Variants in TRIP4 observed in about 807,000 individuals in gnomAD.
The protein encoded by TRIP4 is activating signal cointegrator 1.
Under a neutral mutation model 81.8 loss-of-function variants are expected in TRIP4, and 54 were observed. The observed-to-expected ratio is 0.66, with a 90% CI of 0.53 to 0.83. TRIP4 has a LOEUF of 0.83. Ranked by LOEUF, TRIP4 falls within the 40% of genes least tolerant of loss-of-function variation. The probability of loss-of-function intolerance (pLI) is 0.00; values close to 1 mark genes in which losing one functional copy is unlikely to be tolerated. For missense variants in TRIP4, 662 were observed against 683.6 expected, an observed-to-expected ratio of 0.97 and a Z score of 0.35; for synonymous variants, 270 against 242.8, an observed-to-expected ratio of 1.11 and a Z score of -1.04.
chr15:64,439,570 C>CT (rs1892472318), intron 11 of TRIP4, among the ~76,000 whole-genome samples: 1 of 111,220 alleles, frequency 9.0e-6, no homozygotes, highest in Non-Finnish European at 1.6e-5. Context: ...GTTGCCCAGG[C>CT]TGGAGTGCAA....
intron 11 of TRIP4, among the ~76,000 whole-genome samples, chr15:64,431,069 TCAC>T (rs1892260664): frequency 6.6e-6 from 1 of 152,170 alleles, no homozygotes; most frequent in South Asian, 2.1e-4. Flanking sequence ...TCAGCTTCTA[TCAC>T]CAATGAATTG....
At chr15:64,433,097 A>G (rs763048179) in intron 11 of TRIP4, among the ~76,000 whole-genome samples, 1 of 152,150 alleles carries the variant, frequency 6.6e-6, no homozygotes, top group Non-Finnish European at 1.5e-5. Context: ...AAGTGAACCT[A>G]ACTGTCTTAA....
intron 6 of TRIP4, 121 bp from the exon 7 acceptor site, chr15:64,409,492 C>T (rs1891711018): frequency 2.3e-6 from 2 of 873,490 alleles, no homozygotes; most frequent in Admixed American, 4.7e-5. Flanking sequence ...AAAACATATG[C>T]AGAGCTTGAC....
At position 64,436,708 on chromosome 15, in the gene TRIP4, C is replaced by CT. The variant is rs35087782; in HGVS notation, c.1576-8281dup. ...TACTGTGTTCATACTTCTATTACTG[C>CT]TTTTTTTTTTTTTTTTTAATATTGA... On this transcript the variant is annotated intron_variant, in intron 11 of 12. Coordinates refer to ENST00000261884, the MANE Select transcript of TRIP4 (RefSeq NM_016213.5). Among the ~76,000 whole-genome samples, 294 of 85,458 alleles carry CT rather than the reference C, an allele frequency of 3.4e-3. 2 individuals carry two copies. The highest frequency in any genetic ancestry group is 0.013 in the African/African-American group (268 of 21,228). The allele number at this position is 85,458 out of a possible 152,430, so 56.1% of individuals were successfully genotyped here.
At chr15:64,437,136 C>A (rs1260603130) in intron 11 of TRIP4, among the ~76,000 whole-genome samples, 1 of 151,732 alleles carries the variant, frequency 6.6e-6, no homozygotes, top group Non-Finnish European at 1.5e-5. Context: ...TATGAAAAAT[C>A]TTGGCCGGGT....
chr15:64,394,341 C>T (rs1216872185), intron 2 of TRIP4, among the ~76,000 whole-genome samples: 1 of 152,090 alleles, frequency 6.6e-6, no homozygotes, highest in Non-Finnish European at 1.5e-5. Flanking sequence ...CGTGGTGGCT[C>T]ACGCCTGTAA....
intron 9 of TRIP4, among the ~76,000 whole-genome samples, chr15:64,423,697 G>A (rs1238277826): frequency 1.3e-5 from 2 of 152,092 alleles, no homozygotes; most frequent in Non-Finnish European, 2.9e-5. Flanking sequence ...TGATTTATAT[G>A]CCTTGAAAAT....
intron 11 of TRIP4, among the ~76,000 whole-genome samples, chr15:64,434,604 A>T (rs1892349197): frequency 1.3e-5 from 2 of 152,134 alleles, no homozygotes; most frequent in South Asian, 4.1e-4. Flanking sequence ...TGGAGTGGAG[A>T]TATTCTGAAG....
At chr15:64,435,465 G>A (rs1187722904) in intron 11 of TRIP4, among the ~76,000 whole-genome samples, 1 of 149,660 alleles carries the variant, frequency 6.7e-6, no homozygotes, top group East Asian at 2.0e-4. Flanking sequence ...GGCGGAGGTT[G>A]CAGTGAGCCG....
At chr15:64,391,116 T>G (rs1007843526) in intron 1 of TRIP4, among the ~76,000 whole-genome samples, 5 of 152,084 alleles carry the variant, frequency 3.3e-5, no homozygotes, top group Non-Finnish European at 7.4e-5. Flanking sequence ...CAATTTTATA[T>G]GAGTGGACTG....
chr15:64,391,369 A>T (rs1900125006), intron 1 of TRIP4, among the ~76,000 whole-genome samples: 1 of 151,664 alleles, frequency 6.6e-6, no homozygotes, highest in Non-Finnish European at 1.5e-5. Flanking sequence ...GTTGGCCAGG[A>T]TGGTCTCGGT....
chr15:64,437,843 A>T (rs923426035), intron 11 of TRIP4, among the ~76,000 whole-genome samples: 2 of 152,130 alleles, frequency 1.3e-5, no homozygotes, highest in Non-Finnish European at 1.5e-5. Context: ...GATGTACTGG[A>T]TGGGGCAAGC....
chr15:64,435,362 A>C (rs1003899560), intron 11 of TRIP4, among the ~76,000 whole-genome samples: 1 of 151,636 alleles, frequency 6.6e-6, no homozygotes, highest in African/African-American at 2.4e-5. Flanking sequence ...TCTGCTAAAA[A>C]AAATACAAAA....
chr15:64,430,681 AT>A (rs1238965381), intron 11 of TRIP4, among the ~76,000 whole-genome samples: 1 of 152,066 alleles, frequency 6.6e-6, no homozygotes, highest in Non-Finnish European at 1.5e-5. Context: ...AGAAAATCTG[AT>A]TTGTCTGAAA....
chr15:64,434,197 C>T (rs1292310360), intron 11 of TRIP4, among the ~76,000 whole-genome samples: 5 of 151,946 alleles, frequency 3.3e-5, no homozygotes, highest in African/African-American at 9.7e-5. Flanking sequence ...GTTAGGAGTT[C>T]GAGACCAGCC....
At chr15:64,419,854 CA>C (rs1891970780) in intron 9 of TRIP4, among the ~76,000 whole-genome samples, 1 of 151,554 alleles carries the variant, frequency 6.6e-6, no homozygotes, top group Admixed American at 6.6e-5. Context: ...CTTGCTCTGT[CA>C]CCCAGGCTAG....
intron 11 of TRIP4, among the ~76,000 whole-genome samples, chr15:64,428,405 C>T (rs982645542): frequency 6.6e-6 from 1 of 151,694 alleles, no homozygotes; most frequent in South Asian, 2.1e-4. Flanking sequence ...TATTGTATCT[C>T]ATTTCCTGAG....
chr15:64,390,793 G>T (rs1440436379), intron 1 of TRIP4, among the ~76,000 whole-genome samples: 1 of 151,878 alleles, frequency 6.6e-6, no homozygotes, highest in Non-Finnish European at 1.5e-5. Flanking sequence ...TACTCGGGAG[G>T]CTGAGGCAGG....
At chr15:64,402,064 A>G (rs772208227) in intron 5 of TRIP4, among the ~76,000 whole-genome samples, 6 of 152,168 alleles carry the variant, frequency 3.9e-5, no homozygotes, top group South Asian at 2.1e-4. Flanking sequence ...TATTATACCA[A>G]TATTAATTTC....
Sources: allele counts gnomAD v4.1 joint callset (sites outside exome capture counted in the v4.1 genomes callset), GRCh38; gene constraint gnomAD v4.1.1; transcripts MANE v1.5; gene names NCBI Gene and HGNC (gene_info 2026-07-23, HGNC 2026-07-21).